WDFY1: variants seen among roughly 807,000 people sequenced by gnomAD.
WDFY1 encodes WD repeat and FYVE domain containing 1, also known as WD repeat and FYVE domain-containing protein 1.
A neutral mutation model predicts 56.4 loss-of-function variants in WDFY1; 32 were observed. The observed-to-expected ratio is 0.57, with a 90% CI of 0.43 to 0.76. The LOEUF (loss-of-function observed/expected upper bound fraction) is 0.76, where lower values mean the gene tolerates loss of function less well. Ranked by LOEUF, WDFY1 falls within the 30% of genes least tolerant of loss-of-function variation. WDFY1 has a pLI of 0.00. For missense variants in WDFY1, 480 were observed against 545.7 expected (o/e 0.88, Z 1.20); for synonymous variants, 192 against 197.3 (o/e 0.97, Z 0.23).
chr2:223,936,055 G>A (rs1694163147), intron 1 of WDFY1, among the ~76,000 whole-genome samples: 1 of 126,870 alleles, frequency 7.9e-6, no homozygotes, highest in Non-Finnish European at 1.6e-5. Flanking sequence ...GGTTCCCAAA[G>A]TCCTTTTTTT....
At chr2:223,890,625 AAG>A (rs1693253722) in intron 8 of WDFY1, among the ~76,000 whole-genome samples, 1 of 152,190 alleles carries the variant, frequency 6.6e-6, no homozygotes, top group Non-Finnish European at 1.5e-5. Context: ...TGAGAAGAGC[AAG>A]AGAGAGTATT....
chr2:223,884,768 AAAGC>A lies in WDFY1; in HGVS notation c.832-23_832-20del. 6.2e-7 allele frequency: 1 copy of A among 1,609,120 alleles called. No homozygotes were observed. The highest frequency in any genetic ancestry group is 2.2e-5 in the East Asian group (1 of 44,828). ...GAGGAGCCTGGGGGAGCAGAAAGTC[AAAGC>A]CACCATCAGTGTGTCTATATTTACT... On this transcript the variant is annotated intron_variant, in intron 8 of 11. Transcript: ENST00000233055.
intron 1 of WDFY1, among the ~76,000 whole-genome samples, chr2:223,926,281 G>C (rs554699563): frequency 3.3e-5 from 5 of 151,986 alleles, no homozygotes; most frequent in Non-Finnish European, 7.4e-5. Flanking sequence ...CCAGTAACTG[G>C]GACTACAGGC....
intron 1 of WDFY1, among the ~76,000 whole-genome samples, chr2:223,935,548 CT>C (rs1408495422): frequency 6.6e-6 from 1 of 152,230 alleles, no homozygotes; most frequent in Non-Finnish European, 1.5e-5. Context: ...ATATTACCAT[CT>C]GCTTCTTAGG....
intron 8 of WDFY1, among the ~76,000 whole-genome samples, chr2:223,890,195 G>A (rs2106075014): frequency 6.6e-6 from 1 of 152,266 alleles, no homozygotes; most frequent in Non-Finnish European, 1.5e-5. Context: ...ACTTTGGCTG[G>A]GCGCAGTTGC....
intron 3 of WDFY1, among the ~76,000 whole-genome samples, chr2:223,910,072 T>A (rs1295065270): frequency 6.6e-6 from 1 of 152,174 alleles, no homozygotes; most frequent in East Asian, 1.9e-4. Flanking sequence ...CAAGCCACTA[T>A]AACATTGACT....
chr2:223,881,567 A>T (rs1418979194), intron 10 of WDFY1, among the ~76,000 whole-genome samples: 1 of 152,154 alleles, frequency 6.6e-6, no homozygotes, highest in Non-Finnish European at 1.5e-5. Flanking sequence ...AGGTGGGTAG[A>T]TCACTTGAGG....
At chr2:223,884,594 G>C in intron 9 of WDFY1, 54 bp downstream of exon 9, 1 of 1,537,476 alleles carries the variant, frequency 6.5e-7, no homozygotes, top group Non-Finnish European at 9.0e-7. Flanking sequence ...GATTAAGTAT[G>C]CAAATAGTGA....
At chr2:223,938,857 T>TTTTC (rs1491309366) in intron 1 of WDFY1, among the ~76,000 whole-genome samples, 1 of 1,254 alleles carries the variant, frequency 8.0e-4, no homozygotes, top group Non-Finnish European at 3.5e-3. Context: ...GTAAGCAGTA[T>TTTTC]TTTTTTTTTT....
At chr2:223,884,851 CTT>C in intron 8 of WDFY1, 102 bp from the exon 9 acceptor site, 2 of 681,714 alleles carry the variant, frequency 2.9e-6, no homozygotes, top group South Asian at 2.1e-5. Flanking sequence ...GTTAGTATTT[CTT>C]TTCTTCTTTT....
intron 2 of WDFY1, among the ~76,000 whole-genome samples, chr2:223,917,509 G>A (rs149793568): frequency 2.0e-4 from 31 of 152,176 alleles, no homozygotes; most frequent in African/African-American, 7.5e-4. Context: ...GCCTGTCAGA[G>A]GTATTAGGCA....
intron 1 of WDFY1, among the ~76,000 whole-genome samples, chr2:223,942,526 A>ATTTTTTTTTTTT (rs1559178420): frequency 7.6e-5 from 6 of 78,768 alleles, no homozygotes; most frequent in South Asian, 4.1e-4. Context: ...CCAAAGGCTA[A>ATTTTTTTTTTTT]CTTTTTTTTT....
intron 3 of WDFY1, among the ~76,000 whole-genome samples, chr2:223,909,100 C>G (rs1172869417): frequency 6.6e-6 from 1 of 152,158 alleles, no homozygotes; most frequent in Non-Finnish European, 1.5e-5. Context: ...GAGGTTTTAG[C>G]AAAACCATGT....
chr2:223,877,591 GT>G lies in WDFY1; in HGVS notation c.*1079del, dbSNP rs1692992056. 6.6e-6 allele frequency: 1 copy of G among 152,340 alleles called. No individual in the cohort carries two copies. Among genetic ancestry groups the G allele is most frequent in the Non-Finnish European group, 1.5e-5 (1 of 68,034 alleles). The allele number at this position is 152,340 out of a possible 1,614,324, so 9.4% of individuals were successfully genotyped here. On this transcript the variant is annotated 3_prime_UTR_variant, in exon 12 of 12. Coordinates refer to ENST00000233055, the MANE Select transcript of WDFY1 (RefSeq NM_020830.5). ...TAGTTGTTAGGAAAGCAATTTATGA[GT>G]TGGGAATTATTGTGGAAGACTTGAT...
At chr2:223,884,027 T>A (rs1693127640) in intron 9 of WDFY1, among the ~76,000 whole-genome samples, 1 of 151,790 alleles carries the variant, frequency 6.6e-6, no homozygotes, top group Non-Finnish European at 1.5e-5. Flanking sequence ...AAAATCAGCA[T>A]TCTTTTTTAC....
chr2:223,944,689 G>A (rs942129166), intron 1 of WDFY1, among the ~76,000 whole-genome samples: 3 of 151,102 alleles, frequency 2.0e-5, no homozygotes, highest in Non-Finnish European at 4.4e-5. Context: ...TCCCGGGATG[G>A]ACGGGCGCAG....
intron 4 of WDFY1, among the ~76,000 whole-genome samples, chr2:223,904,474 A>G (rs778400644): frequency 2.6e-5 from 4 of 152,276 alleles, no homozygotes; most frequent in African/African-American, 7.2e-5. Flanking sequence ...GCTGGCCTCA[A>G]ACTCCTGACC....
At chr2:223,924,607 G>C (rs1388304817) in intron 1 of WDFY1, among the ~76,000 whole-genome samples, 1 of 152,112 alleles carries the variant, frequency 6.6e-6, no homozygotes, top group Non-Finnish European at 1.5e-5. Flanking sequence ...CAAGTGATCT[G>C]CCCGCCTCGG....
Position 223,875,648 on chromosome 2 carries a change from G to A in WDFY1, c.*3023C>T, listed in dbSNP as rs947275087. 1.1e-4 allele frequency: 16 copies of A among 152,146 alleles called. No homozygotes were observed. The highest frequency in any genetic ancestry group is 3.6e-4 in the African/African-American group (15 of 41,430). The allele number at this position is 152,146 out of a possible 1,614,324, so 9.4% of individuals were successfully genotyped here. On this transcript the variant is annotated 3_prime_UTR_variant, in exon 12 of 12. Coordinates refer to ENST00000233055, the MANE Select transcript of WDFY1 (RefSeq NM_020830.5). ...ATTGTATTGTAAACTGCAGAAAATA[G>A]AATAGGCATTCAATAAATCTGCTCA...
Sources: allele counts gnomAD v4.1 joint callset (sites outside exome capture counted in the v4.1 genomes callset), GRCh38; gene constraint gnomAD v4.1.1; transcripts MANE v1.5; gene names NCBI Gene and HGNC (gene_info 2026-07-23, HGNC 2026-07-21).